The following CYP2B6 variants were observed in gnomAD, a reference collection of about 807,000 sequenced individuals.
CYP2B6 encodes cytochrome P450 family 2 subfamily B member 6, also known as cytochrome P450 2B6.
Under a neutral mutation model 43.4 loss-of-function variants are expected in CYP2B6, and 35 were observed. The ratio of observed to expected loss-of-function variants is 0.81; its 90% confidence interval spans 0.62 to 1.07. The LOEUF is 1.07. Ranked by LOEUF, CYP2B6 falls within the 50% of genes least tolerant of loss-of-function variation. CYP2B6 has a pLI of 0.00. For missense variants in CYP2B6, 624 were observed against 632.8 expected (o/e 0.99, Z 0.15); for synonymous variants, 239 against 239.2 (o/e 1.00, Z 0.01).
intron 2 of CYP2B6, 56 bp from the exon 3 acceptor site, chr19:41,004,241 T>C: frequency 1.2e-6 from 2 of 1,612,418 alleles, no homozygotes; most frequent in South Asian, 2.2e-5. Context: ...GAAGAAGGAC[T>C]CAGAGCCTTC....
chr19:41,003,406 A>G (rs1969126872), intron 1 of CYP2B6, among the ~76,000 whole-genome samples: 1 of 152,118 alleles, frequency 6.6e-6, no homozygotes, highest in Non-Finnish European at 1.5e-5. Flanking sequence ...AGATATCATC[A>G]TCCTACTCAG....
chr19:41,010,997 T>A (rs1969275195), intron 6 of CYP2B6, among the ~76,000 whole-genome samples: 1 of 152,210 alleles, frequency 6.6e-6, no homozygotes, highest in Non-Finnish European at 1.5e-5. Context: ...TACTGATTCT[T>A]TCATTTATGA....
chr19:41,016,925 G>A lies in CYP2B6; in HGVS notation c.*98G>A. Reference sequence around the variant, plus strand: ...ACTCCCCGCAACTTCCTGCCTCTGAGAGACCTGCTACAAGCCAGCTTCCTT... The same window carrying A: ...ACTCCCCGCAACTTCCTGCCTCTGAAAGACCTGCTACAAGCCAGCTTCCTT... On this transcript the variant is annotated 3_prime_UTR_variant, in exon 9 of 9. Coordinates refer to ENST00000324071, the MANE Select transcript of CYP2B6 (RefSeq NM_000767.5). 7.6e-7 allele frequency: 1 copy of A among 1,323,942 alleles called. No homozygotes were observed. The allele number at this position is 1,323,942 out of a possible 1,614,324, so 82.0% of individuals were successfully genotyped here. A position where few individuals can be genotyped will look rare whatever the true frequency, so the allele number is the denominator to read the frequency against.
chr19:40,991,317 C>A lies in CYP2B6; in HGVS notation c.12C>A (p.Ser4Arg). The A allele has an allele frequency of 6.2e-7, 1 of 1,614,076 alleles. No homozygotes were observed. Among genetic ancestry groups the A allele is most frequent in the Non-Finnish European group, 8.5e-7 (1 of 1,180,024 alleles). Residue 4 changes from serine (S) to arginine (R), a missense_variant, in exon 1 of 9, where the codon AGC (serine) becomes AGA (arginine). Coordinates refer to ENST00000324071, the MANE Select transcript of CYP2B6 (RefSeq NM_000767.5). MEL[S>R]VLLFLALLTG... ...GTCAGACCAGGACCATGGAACTCAG[C>A]GTCCTCCTCTTCCTTGCACTCCTCA...
chr19:41,006,808 T>C (rs1969194732), intron 3 of CYP2B6, 97 bp from the exon 4 acceptor site: 2 of 1,145,138 alleles, frequency 1.7e-6, no homozygotes, highest in Admixed American at 2.0e-5. Context: ...ATGTTTACCA[T>C]TACTGAGTGA....
rs545655435 is a variant in CYP2B6, at chr19:41,013,716, C to T, written c.1294+901C>T. On this transcript the variant is annotated intron_variant, in intron 8 of 8. Transcript: ENST00000324071. Reference sequence around the variant, plus strand: ...TCTGACTTGTCCCAGTTCTCATCCTCTACTCTTTGGCTGGTTAAAAGAAAA... The same window carrying T: ...TCTGACTTGTCCCAGTTCTCATCCTTTACTCTTTGGCTGGTTAAAAGAAAA... Among the ~76,000 whole-genome samples, 5 of 152,342 alleles carry T rather than the reference C, an allele frequency of 3.3e-5. No individual in the cohort carries two copies. The East Asian group carries it at 5.8e-4, about 18-fold the overall frequency.
At chr19:40,991,630 A>C (rs1325047317) in intron 1 of CYP2B6, among the ~76,000 whole-genome samples, 154 bp downstream of exon 1, 1 of 152,100 alleles carries the variant, frequency 6.6e-6, no homozygotes, top group Non-Finnish European at 1.5e-5. Context: ...GATGGGTGGT[A>C]TTATTAGGAG....
intron 1 of CYP2B6, among the ~76,000 whole-genome samples, chr19:40,992,201 C>CAAAA (rs561830421): frequency 8.0e-5 from 5 of 62,582 alleles, no homozygotes; most frequent in African/African-American, 2.2e-4. Flanking sequence ...GACTCCTTCT[C>CAAAA]AAAAAAAAAA....
At chr19:41,002,160 G>C (rs1969101544) in intron 1 of CYP2B6, among the ~76,000 whole-genome samples, 1 of 152,092 alleles carries the variant, frequency 6.6e-6, no homozygotes, top group Admixed American at 6.5e-5. Flanking sequence ...TGGGAATATT[G>C]TAGGCCTTGG....
chr19:41,006,973 G>T lies in CYP2B6; in HGVS notation c.553G>T (p.Gly185Ter). The T allele has an allele frequency of 6.2e-7, 1 of 1,613,964 alleles. No individual in the cohort carries two copies. Among genetic ancestry groups the T allele is most frequent in the Non-Finnish European group, 8.5e-7 (1 of 1,180,000 alleles). ...TANIICSIVFGKRFHYQDQEF... is the reference protein window; with the variant it reads ...TANIICSIVF The stretch of plus-strand genomic sequence containing the variant: ...CAACATCATCTGCTCCATCGTCTTT[G>T]GAAAACGATTCCACTACCAAGATCA... Residue 185 changes from glycine to a stop codon, truncating the protein, a stop_gained, in exon 4 of 9, where the codon GGA becomes TGA. Transcript: ENST00000324071. LOFTEE classifies it high-confidence loss of function.
chr19:40,996,616 G>C (rs1325658366), intron 1 of CYP2B6, among the ~76,000 whole-genome samples: 1 of 152,058 alleles, frequency 6.6e-6, no homozygotes, highest in African/African-American at 2.4e-5. Flanking sequence ...AAACCATTTA[G>C]TAATCTTAGA....
chr19:41,011,842 C>T lies in CYP2B6; in HGVS notation c.965-456C>T, dbSNP rs538816556. Among the ~76,000 whole-genome samples the T allele has an allele frequency of 4.6e-5, 7 of 152,324 alleles. No individual in the cohort carries two copies. In the East Asian group the frequency reaches 1.3e-3, roughly 29 times the overall value. ...CTTGTTGCTTCCTCCCTCCTCCCCTCACCCCATGCTGATTACTTTGAGGGG... is the reference window on the plus strand; with the variant it reads ...CTTGTTGCTTCCTCCCTCCTCCCCTTACCCCATGCTGATTACTTTGAGGGG... On this transcript the variant is annotated intron_variant, in intron 6 of 8. Coordinates refer to ENST00000324071, the MANE Select transcript of CYP2B6 (RefSeq NM_000767.5).
At chr19:41,008,290 C>A (rs1361398623) in intron 4 of CYP2B6, among the ~76,000 whole-genome samples, 7 of 150,766 alleles carry the variant, frequency 4.6e-5, no homozygotes, top group Non-Finnish European at 1.0e-4. Flanking sequence ...CAACTCCCTG[C>A]CACCTCCACC....
In CYP2B6 at chr19:41,016,846, G is replaced by T; in HGVS notation, c.*19G>T. 6 of 1,611,250 alleles carry T rather than the reference G, an allele frequency of 3.7e-6. No homozygotes were observed. The highest frequency in any genetic ancestry group is 5.1e-6 in the Non-Finnish European group (6 of 1,178,496). On this transcript the variant is annotated 3_prime_UTR_variant, in exon 9 of 9. Coordinates refer to ENST00000324071, the MANE Select transcript of CYP2B6 (RefSeq NM_000767.5). ...CCGCTGAAGGGGCTGAGGGAAGGGGGTCAAAGGATTCCAGGGTCATTCAGT... is the reference window on the plus strand; with the variant it reads ...CCGCTGAAGGGGCTGAGGGAAGGGGTTCAAAGGATTCCAGGGTCATTCAGT...
rs1568564996 is a variant in CYP2B6, at chr19:41,016,957, C to T, written c.*130C>T. The T allele has an allele frequency of 2.2e-6, 2 of 912,308 alleles. No individual in the cohort carries two copies. 56.5% of individuals were successfully genotyped at this position (912,308 alleles called of 1,614,324 possible). A position where few individuals can be genotyped will look rare whatever the true frequency, so the allele number is the denominator to read the frequency against. On this transcript the variant is annotated 3_prime_UTR_variant, in exon 9 of 9. Coordinates refer to ENST00000324071, the MANE Select transcript of CYP2B6 (RefSeq NM_000767.5). ...GCTACAAGCCAGCTTCCTTCCCCTC[C>T]ATGGCACCAGTTGTCTGAGGTCACA...
At position 41,004,014 on chromosome 19, in the gene CYP2B6, A is replaced by G. The variant is rs1310178879; in HGVS notation, c.185A>G (p.Tyr62Cys). The G allele has an allele frequency of 6.2e-7, 1 of 1,613,370 alleles. No individual in the cohort carries two copies. The part of the protein sequence containing the change: ...LKSFLRFREK[Y>C]GDVFTVHLGP... ...TGTGATTGGCAGTTCCGAGAGAAAT[A>G]TGGGGACGTCTTCACGGTACACCTG... Residue 62 changes from tyrosine to cysteine, a missense_variant, in exon 2 of 9, where the codon TAT (tyrosine) becomes TGT (cysteine). Physicochemically the swap from Tyr to Cys is radical, Grantham distance 194 (BLOSUM62 -2). Coordinates refer to ENST00000324071, the MANE Select transcript of CYP2B6 (RefSeq NM_000767.5).
chr19:41,013,604 G>A (rs1488846624), intron 8 of CYP2B6, among the ~76,000 whole-genome samples: 2 of 150,414 alleles, frequency 1.3e-5, no homozygotes, highest in African/African-American at 4.9e-5. Flanking sequence ...TAAGACAAAG[G>A]GCTCATCTGG....
At chr19:41,004,262 T>G in intron 2 of CYP2B6, 35 bp from the exon 3 acceptor site, 1 of 1,613,758 alleles carries the variant, frequency 6.2e-7, no homozygotes, top group Non-Finnish European at 8.5e-7. Context: ...TTCCAACTTC[T>G]TCTACAACCA....
rs138030127 is a variant in CYP2B6 at position 41,012,354 on chromosome 19, C to G, written c.1021C>G (p.His341Asp). 391 of 1,614,066 alleles carry G rather than the reference C, an allele frequency of 2.4e-4. No individual in the cohort carries two copies. In the African/African-American group the frequency reaches 4.3e-3, roughly 18 times the overall value. ...TGGCCCACATCGCCCTCCAGAGCTTCATGACCGAGCCAAAATGCCATACAC... is the reference window on the plus strand; with the variant it reads ...TGGCCCACATCGCCCTCCAGAGCTTGATGACCGAGCCAAAATGCCATACAC... Reference protein sequence around the residue: ...VIGPHRPPELHDRAKMPYTEA... With the variant: ...VIGPHRPPELDDRAKMPYTEA... The change falls in exon 7 of 9, where the codon CAT becomes GAT. Residue 341 changes from histidine to aspartate, a missense_variant. Physicochemically the swap from His to Asp is moderately conservative, Grantham distance 81. Transcript: ENST00000324071.
Sources: gnomAD v4.1 joint callset for allele counts (sites outside exome capture counted in the v4.1 genomes callset) on GRCh38, gnomAD v4.1.1 for gene constraint, MANE v1.5 for transcripts, NCBI Gene and HGNC (gene_info 2026-07-23, HGNC 2026-07-21) for gene names.